Variants in DOK5 observed in about 807,000 individuals in gnomAD.
The protein encoded by DOK5 is downstream of tyrosine kinase 5.
A neutral mutation model predicts 43.3 loss-of-function variants in DOK5; 27 were observed. That is an observed-to-expected ratio of 0.62 (90% confidence interval 0.46 to 0.86). The LOEUF (loss-of-function observed/expected upper bound fraction) is 0.86. Ranked by LOEUF, DOK5 falls within the 40% of genes least tolerant of loss-of-function variation. The probability of loss-of-function intolerance (pLI) is 0.00; values close to 1 mark genes in which losing one functional copy is unlikely to be tolerated. For missense variants in DOK5, 373 were observed against 392.9 expected (o/e 0.95, Z 0.43); for synonymous variants, 146 against 140.1 (o/e 1.04, Z -0.30).
intron 2 of DOK5, among the ~76,000 whole-genome samples, chr20:54,558,512 C>T (rs749812616): frequency 5.9e-5 from 9 of 152,060 alleles, no homozygotes; most frequent in African/African-American, 1.7e-4. Flanking sequence ...ATTAATCTCT[C>T]GGGGCACATA....
intron 7 of DOK5, among the ~76,000 whole-genome samples, chr20:54,644,653 C>T (rs1447258681): frequency 2.0e-5 from 3 of 149,338 alleles, no homozygotes; most frequent in Non-Finnish European, 4.4e-5. Flanking sequence ...TTGCAGTGAG[C>T]CGAGATAGCG....
At chr20:54,523,148 T>G (rs1297903337) in intron 1 of DOK5, among the ~76,000 whole-genome samples, 1 of 152,248 alleles carries the variant, frequency 6.6e-6, no homozygotes, top group Non-Finnish European at 1.5e-5. Context: ...ATTTGATTCC[T>G]GGCCATTGTA....
At chr20:54,536,260 G>A (rs1238938336) in intron 1 of DOK5, among the ~76,000 whole-genome samples, 1 of 152,168 alleles carries the variant, frequency 6.6e-6, no homozygotes, top group Non-Finnish European at 1.5e-5. Flanking sequence ...GTGACATCAT[G>A]GTAGACTGTG....
chr20:54,590,921 G>T (rs911329995), intron 4 of DOK5, among the ~76,000 whole-genome samples: 8 of 152,170 alleles, frequency 5.3e-5, no homozygotes, highest in African/African-American at 1.7e-4. Flanking sequence ...TATCTGCAGG[G>T]ATGAAAATTA....
At chr20:54,598,411 A>G (rs1172477864) in intron 5 of DOK5, among the ~76,000 whole-genome samples, 3 of 152,210 alleles carry the variant, frequency 2.0e-5, no homozygotes, top group Non-Finnish European at 4.4e-5. Flanking sequence ...TTTTATGGGA[A>G]GATCCAATTG....
At chr20:54,630,428 A>G (rs6068920) in intron 6 of DOK5, among the ~76,000 whole-genome samples, 43,354 of 151,928 alleles carry the variant, frequency 0.29, 6,926 homozygotes, top group African/African-American at 0.4. Flanking sequence ...GAGTATGAGG[A>G]GCGACAGTTC....
At chr20:54,573,695 A>AAAAAAAAAAAAAAAAAGAAAAAAAAAAC (rs1985366416) in intron 2 of DOK5, among the ~76,000 whole-genome samples, 1 of 151,578 alleles carries the variant, frequency 6.6e-6, no homozygotes. Flanking sequence ...TCAAAAAAAA[A>AAAAAAAAAAAAAAAAAGAAAAAAAAAAC]AAAAAAAAAA....
intron 1 of DOK5, among the ~76,000 whole-genome samples, chr20:54,485,792 G>A (rs1981909539): frequency 6.6e-6 from 1 of 152,152 alleles, no homozygotes; most frequent in South Asian, 2.1e-4. Flanking sequence ...GAGTGAATCG[G>A]TTTTTCTGCA....
At chr20:54,635,415 G>A (rs780549783) in intron 6 of DOK5, among the ~76,000 whole-genome samples, 4 of 152,018 alleles carry the variant, frequency 2.6e-5, no homozygotes, top group African/African-American at 4.8e-5. Context: ...TCTTCTCTCT[G>A]AAGCCTGGCA....
At position 54,607,881 on chromosome 20, in the gene DOK5, TAAAACAAAAC is replaced by T. The variant is rs146059505; in HGVS notation, c.600-2468_600-2459del. Among the ~76,000 whole-genome samples the T allele has an allele frequency of 2.3e-3, 281 of 122,520 alleles. 1 individual carries two copies. Among genetic ancestry groups the T allele is most frequent in the South Asian group, 7.2e-3 (33 of 4,600 alleles). 80.4% of individuals were successfully genotyped at this position (122,520 alleles called of 152,430 possible). On this transcript the variant is annotated intron_variant, in intron 5 of 7. Coordinates refer to ENST00000262593, the MANE Select transcript of DOK5 (RefSeq NM_018431.5). ...CTGGGCGACAGAGCGAGACTCCATC[TAAAACAAAAC>T]AAAACAAAACAAAACAAAACAAAAC... is the stretch of plus-strand genomic sequence containing the variant.
intron 6 of DOK5, among the ~76,000 whole-genome samples, chr20:54,638,231 T>G (rs773270550): frequency 1.5e-4 from 23 of 152,036 alleles, no homozygotes; most frequent in Non-Finnish European, 1.0e-4. Flanking sequence ...AGATATCTGG[T>G]AGAAGCACCT....
intron 1 of DOK5, among the ~76,000 whole-genome samples, chr20:54,541,207 A>G (rs1984147768): frequency 6.6e-6 from 1 of 152,140 alleles, no homozygotes; most frequent in East Asian, 1.9e-4. Context: ...TAATTTCACA[A>G]TATGTCCAGA....
At chr20:54,605,164 T>C (rs1488136060) in intron 5 of DOK5, among the ~76,000 whole-genome samples, 1 of 151,840 alleles carries the variant, frequency 6.6e-6, no homozygotes, top group Admixed American at 6.6e-5. Context: ...GAGAGAGCCA[T>C]GTGCACAGAA....
Position 54,560,303 on chromosome 20 carries a change from A to T in DOK5, c.174+5263A>T, listed in dbSNP as rs112032653. On this transcript the variant is annotated intron_variant, in intron 2 of 7. Coordinates refer to ENST00000262593, the MANE Select transcript of DOK5 (RefSeq NM_018431.5). ...TTTACTTTGGAGTCATCCCCTCCTC[A>T]TGTAAGAAACTACCCACCATGCCAT... 3.5e-3 allele frequency among the ~76,000 whole-genome samples: 536 copies of T among 152,294 alleles called. 4 individuals are homozygous for T. Among genetic ancestry groups the T allele is most frequent in the African/African-American group, 0.012 (519 of 41,558 alleles).
At chr20:54,580,007 A>G (rs1054805231) in intron 2 of DOK5, among the ~76,000 whole-genome samples, 1 of 151,774 alleles carries the variant, frequency 6.6e-6, no homozygotes, top group Admixed American at 6.6e-5. Flanking sequence ...TTCACCTCCC[A>G]CTTAGGAGTG....
intron 1 of DOK5, among the ~76,000 whole-genome samples, chr20:54,476,502 T>C (rs1441172180): frequency 2.6e-5 from 4 of 152,172 alleles, no homozygotes; most frequent in African/African-American, 7.2e-5. Flanking sequence ...AAGGTGTCTT[T>C]GGATCCCCCC....
chr20:54,495,273 T>C (rs1982347454), intron 1 of DOK5: 1 of 152,208 alleles, frequency 6.6e-6, no homozygotes, highest in South Asian at 2.1e-4. Flanking sequence ...AATGTTACTT[T>C]AGCTTTTCTT....
At chr20:54,558,714 G>A (rs1984799196) in intron 2 of DOK5, among the ~76,000 whole-genome samples, 1 of 152,038 alleles carries the variant, frequency 6.6e-6, no homozygotes, top group Admixed American at 6.6e-5. Flanking sequence ...ATACGGAGGT[G>A]GTGTGGTGGA....
chr20:54,603,685 C>G (rs552106957), intron 5 of DOK5, among the ~76,000 whole-genome samples: 2 of 152,182 alleles, frequency 1.3e-5, no homozygotes, highest in African/African-American at 4.8e-5. Context: ...CAGGACAGCC[C>G]TAATAACAAA....
Sources: gnomAD v4.1 joint callset for allele counts (sites outside exome capture counted in the v4.1 genomes callset) on GRCh38, gnomAD v4.1.1 for gene constraint, MANE v1.5 for transcripts, NCBI Gene and HGNC (gene_info 2026-07-23, HGNC 2026-07-21) for gene names.